The following KCNIP4 variants were observed in gnomAD, a reference collection of about 807,000 sequenced individuals.
KCNIP4 encodes Kv channel-interacting protein 4.
A neutral mutation model predicts 34.0 loss-of-function variants in KCNIP4; 12 were observed. That is an observed-to-expected ratio of 0.35 (90% CI 0.23 to 0.57). KCNIP4 has a LOEUF of 0.57. Ranked by LOEUF, KCNIP4 falls within the 20% of genes least tolerant of loss-of-function variation. The pLI is 0.83. For missense variants in KCNIP4, 238 were observed against 311.7 expected (o/e 0.76, Z 1.78); for synonymous variants, 124 against 102.2 (o/e 1.21, Z -1.29).
intron 1 of KCNIP4, among the ~76,000 whole-genome samples, chr4:21,494,198 A>G (rs1732650900): frequency 6.6e-6 from 1 of 152,198 alleles, no homozygotes; most frequent in Non-Finnish European, 1.5e-5. Flanking sequence ...ATGTTAGAAG[A>G]TTTATGAGAA....
chr4:20,937,715 A>T (rs1297665126), intron 1 of KCNIP4, among the ~76,000 whole-genome samples: 2 of 152,212 alleles, frequency 1.3e-5, no homozygotes. Context: ...ACATGGCCCA[A>T]CTTTAAGTAA....
At chr4:21,226,279 CAGAG>C (rs137923504) in intron 1 of KCNIP4, among the ~76,000 whole-genome samples, 2 of 59,504 alleles carry the variant, frequency 3.4e-5, no homozygotes, top group Admixed American at 4.3e-4. Context: ...GGGCGGGAGA[CAGAG>C]AGAGAGAGAA....
At chr4:20,731,553 CACAT>C (rs1181721958) in intron 8 of KCNIP4, 2 of 985,210 alleles carry the variant, frequency 2.0e-6, no homozygotes, top group Non-Finnish European at 2.4e-6. Context: ...ATTTCTTGTC[CACAT>C]ACACTAAAAC....
intron 1 of KCNIP4, among the ~76,000 whole-genome samples, chr4:21,459,011 G>A (rs565564145): frequency 6.6e-6 from 1 of 151,772 alleles, no homozygotes; most frequent in African/African-American, 2.4e-5. Flanking sequence ...TTTCCCCTAC[G>A]TTATCACTGT....
chr4:21,255,401 C>T (rs575340850), intron 1 of KCNIP4, among the ~76,000 whole-genome samples: 1 of 152,022 alleles, frequency 6.6e-6, no homozygotes, highest in South Asian at 2.1e-4. Context: ...TTTCTTATCT[C>T]CCCTCTCCTC....
rs1299567596 is a variant in KCNIP4 at position 21,111,007 on chromosome 4, T to G, written c.62-228298A>C. On this transcript the variant is annotated intron_variant, in intron 1 of 8. Transcript: ENST00000382152. ...TCTGTAAACATAGAGTGTTTTATGT[T>G]TTCTCTCTATACAAATTTAAATAGA... Among the ~76,000 whole-genome samples, 8 of 152,384 alleles carry G rather than the reference T, an allele frequency of 5.2e-5. No individual in the cohort carries two copies. In the East Asian group the frequency reaches 1.3e-3, roughly 26 times the overall value.
intron 1 of KCNIP4, among the ~76,000 whole-genome samples, chr4:21,039,762 G>A (rs997361478): frequency 6.6e-6 from 1 of 152,110 alleles, no homozygotes; most frequent in African/African-American, 2.4e-5. Flanking sequence ...TATTTCTAAT[G>A]TCTAGCTAAT....
intron 1 of KCNIP4, among the ~76,000 whole-genome samples, chr4:21,869,925 G>A (rs1288248432): frequency 6.6e-6 from 1 of 152,092 alleles, no homozygotes; most frequent in African/African-American, 2.4e-5. Context: ...CAGTCTAAAC[G>A]CATTTAAATT....
chr4:21,155,858 T>A (rs6829666), intron 1 of KCNIP4, among the ~76,000 whole-genome samples: 27,955 of 152,136 alleles, frequency 0.18, 2,690 homozygotes, highest in Middle Eastern at 0.23. Flanking sequence ...TTTCTGCTCT[T>A]ATAATGTTTA....
chr4:21,306,147 C>T (rs760180871), intron 1 of KCNIP4, among the ~76,000 whole-genome samples: 4 of 152,206 alleles, frequency 2.6e-5, no homozygotes, highest in Non-Finnish European at 5.9e-5. Context: ...TGATGATTTG[C>T]AGGTGTAACA....
At chr4:21,407,921 G>T (rs984274566) in intron 1 of KCNIP4, among the ~76,000 whole-genome samples, 1 of 152,114 alleles carries the variant, frequency 6.6e-6, no homozygotes, top group Non-Finnish European at 1.5e-5. Flanking sequence ...AAATAAATTT[G>T]CTCATGCATT....
chr4:20,772,337 C>A (rs1755972088), intron 3 of KCNIP4, among the ~76,000 whole-genome samples: 2 of 152,138 alleles, frequency 1.3e-5, no homozygotes, highest in South Asian at 4.1e-4. Context: ...CTTGACTACG[C>A]ACAGGAGCGT....
At chr4:21,667,264 C>G (rs1190259342) in intron 1 of KCNIP4, among the ~76,000 whole-genome samples, 1 of 152,152 alleles carries the variant, frequency 6.6e-6, no homozygotes, top group African/African-American at 2.4e-5. Flanking sequence ...CTCCTTTTCC[C>G]ATTTGTCTAT....
intron 1 of KCNIP4, among the ~76,000 whole-genome samples, chr4:20,952,585 C>T (rs1049507029): frequency 6.6e-6 from 1 of 152,150 alleles, no homozygotes; most frequent in Non-Finnish European, 1.5e-5. Flanking sequence ...ACTGATTGCT[C>T]ATTATAAATG....
intron 1 of KCNIP4, among the ~76,000 whole-genome samples, chr4:21,110,347 C>A (rs1324580324): frequency 6.6e-6 from 1 of 152,174 alleles, no homozygotes; most frequent in Non-Finnish European, 1.5e-5. Flanking sequence ...ATAAATGAAG[C>A]TTCCACAGCA....
At chr4:21,039,244 C>A (rs1019651081) in intron 1 of KCNIP4, among the ~76,000 whole-genome samples, 2 of 152,100 alleles carry the variant, frequency 1.3e-5, no homozygotes, top group Non-Finnish European at 1.5e-5. Context: ...CACCTGTAAT[C>A]CCAGCTACTC....
chr4:21,454,435 T>C (rs1389797912), intron 1 of KCNIP4, among the ~76,000 whole-genome samples: 1 of 152,104 alleles, frequency 6.6e-6, no homozygotes, highest in African/African-American at 2.4e-5. Flanking sequence ...GGTTCTAACA[T>C]TATTTGACAG....
chr4:21,877,205 T>C (rs1405463464), intron 1 of KCNIP4, among the ~76,000 whole-genome samples: 1 of 151,872 alleles, frequency 6.6e-6, no homozygotes, highest in African/African-American at 2.4e-5. Context: ...ATACAAAAAT[T>C]AGCCAAGTGT....
At chr4:21,642,627 C>T (rs7666013) in intron 1 of KCNIP4, among the ~76,000 whole-genome samples, 14,596 of 152,072 alleles carry the variant, frequency 0.096, 855 homozygotes, top group Non-Finnish European at 0.14. Flanking sequence ...TGACCTTACG[C>T]TCTGCTTGTT....
Sources: gnomAD v4.1 joint callset for allele counts (sites outside exome capture counted in the v4.1 genomes callset) on GRCh38, gnomAD v4.1.1 for gene constraint, MANE v1.5 for transcripts, NCBI Gene and HGNC (gene_info 2026-07-23, HGNC 2026-07-21) for gene names.